The following DSCC1 variants were observed in gnomAD, a reference collection of about 807,000 sequenced individuals.
The protein encoded by DSCC1 is sister chromatid cohesion protein DCC1.
Under a neutral mutation model 48.2 loss-of-function variants are expected in DSCC1, and 32 were observed. That is an observed-to-expected ratio of 0.66 (90% CI 0.50 to 0.89). The LOEUF (loss-of-function observed/expected upper bound fraction) is 0.89. Ranked by LOEUF, DSCC1 falls within the 40% of genes least tolerant of loss-of-function variation. The pLI, the probability that DSCC1 is intolerant of heterozygous loss-of-function variation, is 0.00. For missense variants in DSCC1, 421 were observed against 471.7 expected (o/e 0.89, Z 1.00); for synonymous variants, 150 against 171.5 (o/e 0.87, Z 0.98).
At chr8:119,853,806 G>A (rs1826975575) in intron 1 of DSCC1, among the ~76,000 whole-genome samples, 1 of 152,174 alleles carries the variant, frequency 6.6e-6, no homozygotes, top group Non-Finnish European at 1.5e-5. Flanking sequence ...ACCATAAGTT[G>A]TGTTGCAAAA....
chr8:119,843,519 G>A, intron 5 of DSCC1, 90 bp downstream of exon 5: 1 of 1,446,174 alleles, frequency 6.9e-7, no homozygotes, highest in Non-Finnish European at 9.3e-7. Context: ...TACAATGATT[G>A]TAGTTTATGC....
At chr8:119,853,820 T>C (rs1563947931) in intron 1 of DSCC1, among the ~76,000 whole-genome samples, 2 of 152,076 alleles carry the variant, frequency 1.3e-5, no homozygotes, top group Non-Finnish European at 2.9e-5. Flanking sequence ...TGCAAAAAAA[T>C]TGGGACCTTA....
chr8:119,842,426 G>A (rs1475434206), intron 6 of DSCC1, among the ~76,000 whole-genome samples: 5 of 149,458 alleles, frequency 3.3e-5, no homozygotes, highest in Admixed American at 2.0e-4. Flanking sequence ...CTGTTGCCTA[G>A]GCCAGAGAGC....
At chr8:119,845,751 C>T (rs1451143121) in intron 4 of DSCC1, among the ~76,000 whole-genome samples, 1 of 151,948 alleles carries the variant, frequency 6.6e-6, no homozygotes, top group Non-Finnish European at 1.5e-5. Context: ...AGGTTCAAGA[C>T]CAGCCTGGCC....
chr8:119,855,511 G>T (rs1442941152), intron 1 of DSCC1, 103 bp downstream of exon 1: 3 of 1,421,626 alleles, frequency 2.1e-6, no homozygotes, highest in Non-Finnish European at 2.8e-6. Context: ...CCCCCGGCCA[G>T]GTCAGTGCAT....
chr8:119,842,775 C>T lies in DSCC1; in HGVS notation c.769+1G>A. The T allele has an allele frequency of 2.5e-6, 4 of 1,606,494 alleles. No individual in the cohort carries two copies. The highest frequency in any genetic ancestry group is 1.1e-5 in the South Asian group (1 of 90,086). ...AAATGAGAATACTTTCCAAATCTTA[C>T]CTTCATCTACATATTTCTTCCCATA... On this transcript the variant is annotated splice_donor_variant, in intron 6 of 8. Transcript: ENST00000313655. LOFTEE classifies it high-confidence loss of function.
At chr8:119,836,100 GT>G (rs1826678473) in intron 8 of DSCC1, among the ~76,000 whole-genome samples, 1 of 152,226 alleles carries the variant, frequency 6.6e-6, no homozygotes, top group African/African-American at 2.4e-5. Flanking sequence ...ATCACTTGAG[GT>G]CAGGAGTTTG....
At chr8:119,841,679 T>TGGTG in intron 7 of DSCC1, 115 bp downstream of exon 7, 1 of 1,140,164 alleles carries the variant, frequency 8.8e-7, no homozygotes, top group Non-Finnish European at 1.2e-6. Context: ...GTACATGCAC[T>TGGTG]CCTAATGGGT....
intron 8 of DSCC1, among the ~76,000 whole-genome samples, chr8:119,836,074 A>G (rs1299587845): frequency 6.6e-6 from 1 of 152,340 alleles, no homozygotes; most frequent in East Asian, 1.9e-4. Context: ...GCACTTTAGG[A>G]GGCCAAGGTG....
rs571170340 is a variant in DSCC1 at position 119,842,921 on chromosome 8, T to G, written c.717-93A>C. ...GCCAACTCAAAATTAAGAAAGAAAT[T>G]TGAGATTTCAAATACTAAGTGATTT... On this transcript the variant is annotated intron_variant, in intron 5 of 8. Transcript: ENST00000313655. 1.8e-4 allele frequency: 196 copies of G among 1,068,558 alleles called. 1 individual carries two copies. The South Asian group carries it at 2.6e-3, about 14-fold the overall frequency. The allele number at this position is 1,068,558 out of a possible 1,614,324, so 66.2% of individuals were successfully genotyped here.
rs1020372918 is a variant in DSCC1, at chr8:119,838,396, C to G, written c.936G>C (p.Leu312=). ...TTTCTGGTCTCGAGTGTCTATCCACCAGCGCTAAACCCTACAAGAAATGAG... is the reference window on the plus strand; with the variant it reads ...TTTCTGGTCTCGAGTGTCTATCCACGAGCGCTAAACCCTACAAGAAATGAG... The part of the protein sequence containing the change: ...TSLDQLKGLA[L]VDRHSRPEII... Residue 312 remains leucine, a synonymous_variant, in exon 8 of 9, where the codon CTG becomes CTC. Transcript: ENST00000313655. The G allele has an allele frequency of 6.3e-7, 1 of 1,593,140 alleles. No individual in the cohort carries two copies. The highest frequency in any genetic ancestry group is 1.8e-5 in the Admixed American group (1 of 54,546).
chr8:119,849,942 T>C (rs2131308792), intron 3 of DSCC1, among the ~76,000 whole-genome samples: 1 of 152,258 alleles, frequency 6.6e-6, no homozygotes, highest in South Asian at 2.1e-4. Context: ...ATTAGTTAAT[T>C]TTGACACTGG....
At chr8:119,852,188 T>C (rs545352841) in intron 2 of DSCC1, among the ~76,000 whole-genome samples, 26 of 152,262 alleles carry the variant, frequency 1.7e-4, no homozygotes, top group African/African-American at 6.0e-4. Context: ...GTTATATATG[T>C]AAGAACTTAG....
chr8:119,834,593 A>G lies in DSCC1; in HGVS notation c.*300T>C, dbSNP rs1228321442. The G allele has an allele frequency of 8.0e-6, 2 of 248,542 alleles. No homozygotes were observed. The highest frequency in any genetic ancestry group is 5.4e-5 in the South Asian group (1 of 18,544). 15.4% of individuals were successfully genotyped at this position (248,542 alleles called of 1,614,324 possible). On this transcript the variant is annotated 3_prime_UTR_variant, in exon 9 of 9. Coordinates refer to ENST00000313655, the MANE Select transcript of DSCC1 (RefSeq NM_024094.3). ...GATTAGAACATCAAATCCTAAGTAAAGAAATGACATTTTAAATATAAAAAG... is the reference window on the plus strand; with the variant it reads ...GATTAGAACATCAAATCCTAAGTAAGGAAATGACATTTTAAATATAAAAAG...
intron 1 of DSCC1, among the ~76,000 whole-genome samples, chr8:119,855,090 G>A (rs1439844083): frequency 6.6e-6 from 1 of 152,132 alleles, no homozygotes; most frequent in Non-Finnish European, 1.5e-5. Flanking sequence ...CAATGATCTT[G>A]CAGCAAGTTT....
Position 119,838,216 on chromosome 8 carries a change from A to G in DSCC1, c.1073+43T>C, listed in dbSNP as rs139346666. 1.0e-5 allele frequency: 15 copies of G among 1,505,250 alleles called. No individual in the cohort carries two copies. In the African/African-American group the frequency reaches 1.6e-4, roughly 16 times the overall value. The allele number at this position is 1,505,250 out of a possible 1,614,324, so 93.2% of individuals were successfully genotyped here. A position where few individuals can be genotyped will look rare whatever the true frequency, so the allele number is the denominator to read the frequency against. ...TCTAAAATGCTGTGCCATTGACTAT[A>G]AAAAGAACGACCCTCAAAATCCGTC... On this transcript the variant is annotated intron_variant, in intron 8 of 8. Transcript: ENST00000313655.
At position 119,842,765 on chromosome 8, in the gene DSCC1, C is replaced by G. The variant is rs951105528; in HGVS notation, c.769+11G>C. The G allele has an allele frequency of 1.0e-5, 16 of 1,604,016 alleles. No individual in the cohort carries two copies. The highest frequency in any genetic ancestry group is 5.4e-5 in the African/African-American group (4 of 74,480). On this transcript the variant is annotated intron_variant, in intron 6 of 8. Transcript: ENST00000313655. Reference sequence around the variant, plus strand: ...TATAAGAGTTAAATGAGAATACTTTCCAAATCTTACCTTCATCTACATATT... The same window carrying G: ...TATAAGAGTTAAATGAGAATACTTTGCAAATCTTACCTTCATCTACATATT...
chr8:119,838,262 A>C lies in DSCC1; in HGVS notation c.1070T>G (p.Ile357Ser), dbSNP rs765228828. The C allele has an allele frequency of 6.3e-7, 1 of 1,578,166 alleles. No individual in the cohort carries two copies. The highest frequency in any genetic ancestry group is 1.9e-5 in the Admixed American group (1 of 51,334). ...CCGTCTTTAATAAATTACTTACTGA[A>C]TATATGGAGCAATATCTTCTTCTGT... is the stretch of plus-strand genomic sequence containing the variant. ...KWTEEDIAPYIQDLCGEKQTI... is the reference protein window; with the variant it reads ...KWTEEDIAPYSQDLCGEKQTI... Residue 357 changes from isoleucine (I) to serine (S), a missense_variant, in exon 8 of 9, where the codon ATT (isoleucine) becomes AGT (serine). This residue lies in a region of DSCC1 where 238 missense variants were observed against 259.0 expected (regional missense o/e 0.92). Coordinates refer to ENST00000313655, the MANE Select transcript of DSCC1 (RefSeq NM_024094.3).
chr8:119,847,984 G>C (rs1960440), intron 3 of DSCC1, among the ~76,000 whole-genome samples: 1 of 14,390 alleles, frequency 6.9e-5, no homozygotes, highest in African/African-American at 1.7e-3. Context: ...TTTTGTTTTT[G>C]TTTTTTTTAA....
Sources: gnomAD v4.1 joint callset for allele counts (sites outside exome capture counted in the v4.1 genomes callset) on GRCh38, gnomAD v4.1.1 for gene constraint, gnomAD v4.1.1 regional missense constraint, MANE v1.5 for transcripts, NCBI Gene and HGNC (gene_info 2026-07-23, HGNC 2026-07-21) for gene names.